The following MBOAT1 variants were observed in gnomAD, a reference collection of about 807,000 sequenced individuals.
MBOAT1 encodes the protein membrane-bound glycerophospholipid O-acyltransferase 1.
MBOAT1 carries 67 observed loss-of-function variants against 64.4 expected under a neutral mutation model. The observed-to-expected ratio is 1.04, with a 90% CI of 0.85 to 1.27. The LOEUF (loss-of-function observed/expected upper bound fraction) is 1.27. Ranked by LOEUF, MBOAT1 falls within the 50% of genes most tolerant of loss-of-function variation. MBOAT1 has a pLI of 0.00. For missense variants in MBOAT1, 563 were observed against 604.6 expected, an observed-to-expected ratio of 0.93 and a Z score of 0.72; for synonymous variants, 229 against 218.9, an observed-to-expected ratio of 1.05 and a Z score of -0.41.
At chr6:20,147,652 A>G (rs538183358) in intron 3 of MBOAT1, among the ~76,000 whole-genome samples, 13 of 152,064 alleles carry the variant, frequency 8.5e-5, no homozygotes, top group Admixed American at 2.0e-4. Flanking sequence ...AAAAAAAAAA[A>G]AGAGACTGAC....
rs1226111381 is a variant in MBOAT1 at position 20,102,181 on chromosome 6, T to C, written c.*105A>G. ...ACTTTAAAAAAGAACAAAATAAAGATGCATGTAAACATCGCCTCTAAGCCA... is the reference window on the plus strand; with the variant it reads ...ACTTTAAAAAAGAACAAAATAAAGACGCATGTAAACATCGCCTCTAAGCCA... On this transcript the variant is annotated 3_prime_UTR_variant, in exon 13 of 13. Coordinates refer to ENST00000324607, the MANE Select transcript of MBOAT1 (RefSeq NM_001080480.3). 3.2e-6 allele frequency: 3 copies of C among 946,022 alleles called. No homozygotes were observed. Among genetic ancestry groups the C allele is most frequent in the Non-Finnish European group, 3.0e-6 (2 of 655,984 alleles). The allele number at this position is 946,022 out of a possible 1,614,324, so 58.6% of individuals were successfully genotyped here.
intron 3 of MBOAT1, among the ~76,000 whole-genome samples, chr6:20,150,229 A>G (rs1451657988): frequency 6.6e-6 from 1 of 152,144 alleles, no homozygotes; most frequent in African/African-American, 2.4e-5. Flanking sequence ...TCATCGTAAA[A>G]ATATTTCTTT....
At chr6:20,177,691 G>A (rs1380753115) in intron 1 of MBOAT1, among the ~76,000 whole-genome samples, 4 of 150,142 alleles carry the variant, frequency 2.7e-5, no homozygotes, top group South Asian at 2.1e-4. Context: ...GGAGAACGGC[G>A]TGAACCTGGG....
intron 8 of MBOAT1, among the ~76,000 whole-genome samples, chr6:20,122,784 A>G (rs1037954288): frequency 6.6e-6 from 1 of 152,086 alleles, no homozygotes; most frequent in African/African-American, 2.4e-5. Flanking sequence ...TGTACCCTCA[A>G]AAATGATTAA....
chr6:20,208,518 T>C (rs567914605), intron 1 of MBOAT1, among the ~76,000 whole-genome samples: 3 of 151,394 alleles, frequency 2.0e-5, no homozygotes, highest in East Asian at 1.9e-4. Context: ...TCACCATTAG[T>C]CTGGAATGCC....
At chr6:20,144,376 G>C (rs1307679062) in intron 3 of MBOAT1, 61 bp from the exon 4 acceptor site, 6 of 1,069,100 alleles carry the variant, frequency 5.6e-6, no homozygotes, top group Non-Finnish European at 8.5e-6. Flanking sequence ...CTCAATTAAT[G>C]TTCCCCTCTT....
chr6:20,205,736 G>T (rs1359265812), intron 1 of MBOAT1, among the ~76,000 whole-genome samples: 1 of 151,980 alleles, frequency 6.6e-6, no homozygotes, highest in East Asian at 1.9e-4. Flanking sequence ...TACATTCAAT[G>T]CCCTCAGACT....
chr6:20,200,516 C>A (rs947981453), intron 1 of MBOAT1, among the ~76,000 whole-genome samples: 2 of 152,104 alleles, frequency 1.3e-5, no homozygotes, highest in Non-Finnish European at 2.9e-5. Context: ...GGAGGCAGAG[C>A]CATTTTTATC....
At chr6:20,170,075 CCTCT>C (rs1282956586) in intron 1 of MBOAT1, among the ~76,000 whole-genome samples, 1 of 152,190 alleles carries the variant, frequency 6.6e-6, no homozygotes, top group East Asian at 1.9e-4. Flanking sequence ...TCTTCTCTTA[CCTCT>C]CTGACCAGGC....
intron 1 of MBOAT1, among the ~76,000 whole-genome samples, chr6:20,163,206 A>G (rs1761914459): frequency 6.6e-6 from 1 of 152,066 alleles, no homozygotes; most frequent in African/African-American, 2.4e-5. Context: ...AATCCTTATA[A>G]TCCTTGGCCC....
chr6:20,124,708 A>T, intron 7 of MBOAT1, 108 bp from the exon 8 acceptor site: 1 of 944,290 alleles, frequency 1.1e-6, no homozygotes, highest in Non-Finnish European at 1.6e-6. Context: ...GCTGCTTGGC[A>T]TTATTCCCCA....
intron 1 of MBOAT1, among the ~76,000 whole-genome samples, chr6:20,174,317 T>C (rs1458240083): frequency 1.3e-5 from 2 of 152,196 alleles, no homozygotes; most frequent in Admixed American, 6.5e-5. Context: ...TAGAGTGTAC[T>C]TAAATCAACC....
In MBOAT1 at chr6:20,152,687, GA is replaced by G; in HGVS notation, c.181del (p.Ser61LeufsTer32). ...RIYLRPGTTSSDVRHAVATIF... is the reference protein window; with the variant it reads ...RIYLRPGTTSXDVRHAVATIF... Reference sequence around the variant, plus strand: ...GGTGGCAACCGCATGCCGGACATCAGAGCTGGTTGTACCAGGACGTAAGTAG... The same window carrying G: ...GGTGGCAACCGCATGCCGGACATCAGGCTGGTTGTACCAGGACGTAAGTAG... On this transcript the variant is annotated frameshift_variant, in exon 2 of 13. Coordinates refer to ENST00000324607, the MANE Select transcript of MBOAT1 (RefSeq NM_001080480.3). LOFTEE classifies it high-confidence loss of function. 1.9e-6 allele frequency: 3 copies of G among 1,612,198 alleles called. No homozygotes were observed. In the East Asian group the frequency reaches 6.7e-5, roughly 36 times the overall value.
chr6:20,191,886 C>T (rs764578165), intron 1 of MBOAT1, among the ~76,000 whole-genome samples: 2 of 152,084 alleles, frequency 1.3e-5, no homozygotes, highest in Non-Finnish European at 2.9e-5. Context: ...TATGATAGAA[C>T]AAATAAGGGT....
intron 1 of MBOAT1, among the ~76,000 whole-genome samples, chr6:20,201,963 G>T (rs1248252580): frequency 6.6e-6 from 1 of 152,034 alleles, no homozygotes; most frequent in African/African-American, 2.4e-5. Context: ...TTAAAAGAAT[G>T]TAATAGATAA....
In MBOAT1 at chr6:20,115,360, G is replaced by A; in HGVS notation, c.1012-8C>T. The A allele has an allele frequency of 6.2e-7, 1 of 1,610,454 alleles. No individual in the cohort carries two copies. The highest frequency in any genetic ancestry group is 8.5e-7 in the Non-Finnish European group (1 of 1,176,744). ...TTTGAAACTTGTGGCAGTCTGGAAA[G>A]AAGAAAATAACACCTATCATTAGCT... On this transcript the variant is annotated splice_region_variant and splice_polypyrimidine_tract_variant and intron_variant, in intron 9 of 12. Transcript: ENST00000324607.
rs1371213982 is a variant in MBOAT1 at position 20,121,224 on chromosome 6, C to T, written c.908-2684G>A. Among the ~76,000 whole-genome samples the T allele has an allele frequency of 4.6e-5, 7 of 152,298 alleles. No homozygotes were observed. In the South Asian group the frequency reaches 1.2e-3, roughly 27 times the overall value. ...AATTTATAATCATGTGTAATTAGTACATCAATTATATGTAAATGGTGTTTT... is the reference window on the plus strand; with the variant it reads ...AATTTATAATCATGTGTAATTAGTATATCAATTATATGTAAATGGTGTTTT... On this transcript the variant is annotated intron_variant, in intron 8 of 12. Coordinates refer to ENST00000324607, the MANE Select transcript of MBOAT1 (RefSeq NM_001080480.3).
intron 1 of MBOAT1, among the ~76,000 whole-genome samples, chr6:20,204,251 G>GC (rs1270563531): frequency 1.3e-5 from 2 of 152,132 alleles, no homozygotes; most frequent in Non-Finnish European, 2.9e-5. Context: ...AGATGCCGAG[G>GC]CCCCGTGTCC....
intron 1 of MBOAT1, among the ~76,000 whole-genome samples, chr6:20,155,439 A>G (rs115428305): frequency 2.0e-5 from 3 of 152,208 alleles, no homozygotes; most frequent in Non-Finnish European, 4.4e-5. Context: ...ACAGTAAGAC[A>G]CTGTCTCTAC....
Sources: gnomAD v4.1 joint callset for allele counts (sites outside exome capture counted in the v4.1 genomes callset) on GRCh38, gnomAD v4.1.1 for gene constraint, MANE v1.5 for transcripts, NCBI Gene and HGNC (gene_info 2026-07-23, HGNC 2026-07-21) for gene names.